The following SPATA22 variants were observed in gnomAD, a reference collection of about 807,000 sequenced individuals.
SPATA22 encodes spermatogenesis associated 22, also known as spermatogenesis-associated protein 22.
In SPATA22, 29 loss-of-function variants were observed where a neutral mutation model predicts 47.8. That is an observed-to-expected ratio of 0.61 (90% CI 0.45 to 0.83). The LOEUF (loss-of-function observed/expected upper bound fraction) is 0.83, where lower values mean the gene tolerates loss of function less well. SPATA22 is among the 40% of genes least tolerant of loss of function. The probability of loss-of-function intolerance (pLI) is 0.00; values close to 1 mark genes in which losing one functional copy is unlikely to be tolerated. For synonymous variants in SPATA22, 133 were observed against 140.9 expected (o/e 0.94, Z 0.40); for missense variants, 410 against 421.7 (o/e 0.97, Z 0.24).
intron 5 of SPATA22, 44 bp from the exon 6 acceptor site, chr17:3,449,193 T>C (rs749500738): frequency 2.9e-6 from 4 of 1,366,988 alleles, no homozygotes; most frequent in South Asian, 1.5e-5. Context: ...ATATGGTTTC[T>C]TAATTACAAA....
At position 3,440,277 on chromosome 17, in the gene SPATA22, T is replaced by C; in HGVS notation, c.962A>G (p.Gln321Arg). ...AACACATTGGAAAATGTTCTTTTTCTGGTCATAGTTGCCAACACATCTATG... is the reference window on the plus strand; with the variant it reads ...AACACATTGGAAAATGTTCTTTTTCCGGTCATAGTTGCCAACACATCTATG... Reference protein sequence around the residue: ...RVHRCVGNYDQKKNIFQCVSV... With the variant: ...RVHRCVGNYDRKKNIFQCVSV... Residue 321 changes from glutamine (Q) to arginine (R), a missense_variant, in exon 9 of 9, where the codon CAG becomes CGG. Transcript: ENST00000572969. 2.5e-6 allele frequency: 4 copies of C among 1,610,604 alleles called. No homozygotes were observed. Among genetic ancestry groups the C allele is most frequent in the Non-Finnish European group, 3.4e-6 (4 of 1,177,804 alleles).
chr17:3,443,319 A>C, intron 7 of SPATA22, 48 bp from the exon 8 acceptor site: 1 of 1,340,096 alleles, frequency 7.5e-7, no homozygotes, highest in Non-Finnish European at 1.0e-6. Context: ...GTAAACTGCA[A>C]ATAAAATTTA....
In SPATA22 at chr17:3,485,872, G is replaced by T. The variant is rs1226027738; in HGVS notation, c.-73-16474C>A. On this transcript the variant is annotated intron_variant, in intron 1 of 8. Coordinates refer to the SPATA22 transcript ENST00000541913. This position sits in a 1 kb window ranked among gnomAD's most constrained non-coding sequence, Gnocchi z 4.4. ...ATTACCCAAGCTCCAGTTCCCACAG[G>T]GTGACATAGAGAGAGCCAGATGGCA... Among the ~76,000 whole-genome samples, 1 of 151,862 alleles carries T rather than the reference G, an allele frequency of 6.6e-6. No homozygotes were observed. The highest frequency in any genetic ancestry group is 1.5e-5 in the Non-Finnish European group (1 of 68,012).
Position 3,443,154 on chromosome 17 carries a change from A to G in SPATA22, c.900+20T>C, listed in dbSNP as rs1427388706. 1 of 1,531,996 alleles carries G rather than the reference A, an allele frequency of 6.5e-7. No homozygotes were observed. The highest frequency in any genetic ancestry group is 1.4e-5 in the African/African-American group (1 of 72,744). 94.9% of individuals were successfully genotyped at this position (1,531,996 alleles called of 1,614,324 possible). On this transcript the variant is annotated intron_variant, in intron 8 of 8. Transcript: ENST00000572969. ...TTCTGTTGACATAGGCTTCGCAAAG[A>G]GTACTTTAAAAATACTCACGATTTC...
intron 8 of SPATA22, chr17:3,441,961 T>C (rs905299019): frequency 7.2e-5 from 11 of 152,102 alleles, no homozygotes; most frequent in South Asian, 4.1e-4. Flanking sequence ...ATTGATGACA[T>C]TAAAAGTCAG....
intron 1 of SPATA22, among the ~76,000 whole-genome samples, chr17:3,479,780 A>G (rs1374240359): frequency 4.6e-5 from 7 of 152,178 alleles, no homozygotes; most frequent in African/African-American, 1.7e-4. Flanking sequence ...AGCCCATTGT[A>G]CACAGTAGGT....
At chr17:3,496,492 G>A (rs1340040989) in intron 1 of SPATA22, among the ~76,000 whole-genome samples, 1 of 152,176 alleles carries the variant, frequency 6.6e-6, no homozygotes, top group Non-Finnish European at 1.5e-5. Flanking sequence ...GCAAGTGAGA[G>A]GCCCTGAGGC....
At chr17:3,468,830 G>C (rs2073367376) in intron 2 of SPATA22, 4 of 742,970 alleles carry the variant, frequency 5.4e-6, no homozygotes, top group Non-Finnish European at 6.6e-6. Context: ...ATAAATAATA[G>C]TTACTATTAT....
intron 1 of SPATA22, among the ~76,000 whole-genome samples, chr17:3,506,120 T>G (rs1480412646): frequency 6.6e-6 from 1 of 152,190 alleles, no homozygotes; most frequent in African/African-American, 2.4e-5. Context: ...GATCTACCTG[T>G]AGAGACCTTT....
rs561407367 is a variant in SPATA22, at chr17:3,454,451, C to T, written c.330-5302G>A. Among the ~76,000 whole-genome samples, 18 of 151,664 alleles carry T rather than the reference C, an allele frequency of 1.2e-4. No individual in the cohort carries two copies. The South Asian group carries it at 3.1e-3, about 26-fold the overall frequency. On this transcript the variant is annotated intron_variant, in intron 5 of 8. Coordinates refer to ENST00000572969, the MANE Select transcript of SPATA22 (RefSeq NM_001170698.2). ...TCTCCTAATGCTATCCCTCCCCCAT[C>T]CCCCGACCCCACAACAGTCCCCAGA...
At chr17:3,446,300 G>C (rs940030826) in intron 7 of SPATA22, among the ~76,000 whole-genome samples, 172 bp downstream of exon 7, 1 of 151,230 alleles carries the variant, frequency 6.6e-6, no homozygotes, top group Admixed American at 6.6e-5. Flanking sequence ...GACATTTTTA[G>C]GGAGCATTAT....
At chr17:3,489,831 C>A (rs764194398) in intron 1 of SPATA22, among the ~76,000 whole-genome samples, 1 of 152,166 alleles carries the variant, frequency 6.6e-6, no homozygotes, top group Non-Finnish European at 1.5e-5. Flanking sequence ...TTAAAACACA[C>A]CAATCTTATT....
At chr17:3,509,508 T>C (rs2074084300) in intron 1 of SPATA22, among the ~76,000 whole-genome samples, 1 of 152,252 alleles carries the variant, frequency 6.6e-6, no homozygotes, top group Non-Finnish European at 1.5e-5. Flanking sequence ...TTCCTTTTTA[T>C]GGCTGTATAG....
Position 3,492,434 on chromosome 17 carries a change from T to C in SPATA22, c.-74+20978A>G, listed in dbSNP as rs74391475. Among the ~76,000 whole-genome samples the C allele has an allele frequency of 2.2e-4, 34 of 152,358 alleles. No individual in the cohort carries two copies. The East Asian group carries it at 6.2e-3, about 28-fold the overall frequency. The stretch of plus-strand genomic sequence containing the variant: ...AAATGAGATCTGGTAAGTTCCCATC[T>C]TCATCTTGGAAGGTGTGGTAGATTT... On this transcript the variant is annotated intron_variant, in intron 1 of 8. Transcript: ENST00000541913.
rs574327954 is a variant in SPATA22 at position 3,457,303 on chromosome 17, T to C, written c.329+5180A>G. Among the ~76,000 whole-genome samples the C allele has an allele frequency of 7.2e-5, 11 of 152,158 alleles. No individual in the cohort carries two copies. The South Asian group carries it at 2.1e-3, about 29-fold the overall frequency. ...ATGATTGTATATCTAGAAAACCCCATTGTCTCAGCCCAAAATCTCCTTAAG... is the reference window on the plus strand; with the variant it reads ...ATGATTGTATATCTAGAAAACCCCACTGTCTCAGCCCAAAATCTCCTTAAG... On this transcript the variant is annotated intron_variant, in intron 5 of 8. Coordinates refer to ENST00000572969, the MANE Select transcript of SPATA22 (RefSeq NM_001170698.2).
intron 5 of SPATA22, among the ~76,000 whole-genome samples, chr17:3,458,073 T>G (rs1353964569): frequency 1.3e-5 from 2 of 152,194 alleles, no homozygotes; most frequent in African/African-American, 4.8e-5. Context: ...GCAAACTATG[T>G]AACTGTTAAG....
upstream of SPATA22, chr17:3,476,466 CAT>C (rs2073525162): frequency 2.2e-6 from 3 of 1,355,540 alleles, no homozygotes; most frequent in East Asian, 4.6e-5. Context: ...AAAGAGAACA[CAT>C]ATATGTATAT....
At chr17:3,475,651 A>T (rs1350807834), upstream of SPATA22, 1 of 167,832 alleles carries the variant, frequency 6.0e-6, no homozygotes, top group African/African-American at 2.4e-5. Context: ...ATGCCCTCAG[A>T]TCATGAAAAG....
upstream of SPATA22, chr17:3,472,406 T>C (rs1384719577): frequency 6.6e-6 from 1 of 152,512 alleles, no homozygotes; most frequent in Non-Finnish European, 1.5e-5. Flanking sequence ...ACCCTGGGCG[T>C]TGAGCTCCAG....
Sources: gnomAD v4.1 joint callset for allele counts (sites outside exome capture counted in the v4.1 genomes callset) on GRCh38, gnomAD v4.1.1 for gene constraint, Gnocchi (gnomAD v3.1) non-coding constraint, MANE v1.5 for transcripts, NCBI Gene and HGNC (gene_info 2026-07-23, HGNC 2026-07-21) for gene names.